The following SHISA9 variants were observed in gnomAD, a reference collection of about 807,000 sequenced individuals.
SHISA9 encodes the protein protein shisa-9.
SHISA9 carries 13 observed loss-of-function variants against 38.0 expected under a neutral mutation model. That is an observed-to-expected ratio of 0.34 (90% CI 0.22 to 0.54). The LOEUF is 0.54. Ranked by LOEUF, SHISA9 falls within the 20% of genes least tolerant of loss-of-function variation. SHISA9 has a pLI of 0.91. For synonymous variants in SHISA9, 275 were observed against 242.0 expected (o/e 1.14, Z -1.27); for missense variants, 538 against 575.8 (o/e 0.93, Z 0.67).
the SHISA9 span, among the ~76,000 whole-genome samples, chr16:13,369,854 G>T: frequency 2.0e-5 from 3 of 152,056 alleles, no homozygotes; most frequent in African/African-American, 7.2e-5. Context: ...CAACACCCAG[G>T]TTGCTTAAGT....
At chr16:13,433,547 A>G in the SHISA9 span, among the ~76,000 whole-genome samples, 1 of 148,194 alleles carries the variant, frequency 6.7e-6, no homozygotes, top group Non-Finnish European at 1.5e-5. Context: ...TAATGTGTTC[A>G]AGGATACAGA....
At chr16:13,245,199 G>T (rs2051462811), downstream of SHISA9, among the ~76,000 whole-genome samples, 2 of 152,194 alleles carry the variant, frequency 1.3e-5, no homozygotes, top group South Asian at 4.1e-4. Context: ...TTACAGGCAT[G>T]AGCCTCTGCA....
chr16:13,293,948 G>T, the SHISA9 span, among the ~76,000 whole-genome samples: 2 of 152,186 alleles, frequency 1.3e-5, no homozygotes, highest in African/African-American at 2.4e-5. Context: ...TTTTGTTCTT[G>T]GTTGTGCGAA....
chr16:13,524,935 C>T, the SHISA9 span, among the ~76,000 whole-genome samples: 1 of 152,112 alleles, frequency 6.6e-6, no homozygotes, highest in Non-Finnish European at 1.5e-5. Flanking sequence ...CCCTCTGCCC[C>T]AGTTGGGACA....
the SHISA9 span, among the ~76,000 whole-genome samples, chr16:13,371,899 CT>C: frequency 6.6e-6 from 1 of 152,244 alleles, no homozygotes; most frequent in African/African-American, 2.4e-5. Flanking sequence ...AGGATTCCAA[CT>C]TGACTTCTCA....
chr16:12,917,906 T>A (rs2071279341), intron 2 of SHISA9, among the ~76,000 whole-genome samples: 1 of 152,164 alleles, frequency 6.6e-6, no homozygotes, highest in Non-Finnish European at 1.5e-5. Context: ...ATTCTTATGC[T>A]CAGTGGGTAG....
the SHISA9 span, among the ~76,000 whole-genome samples, chr16:13,471,045 T>C: frequency 2.0e-5 from 3 of 152,010 alleles, no homozygotes; most frequent in African/African-American, 7.2e-5. Flanking sequence ...GGGTTCAGTC[T>C]TGCTGGAACC....
chr16:13,526,314 T>C, the SHISA9 span, among the ~76,000 whole-genome samples: 1 of 152,258 alleles, frequency 6.6e-6, no homozygotes, highest in African/African-American at 2.4e-5. Flanking sequence ...TCTGTCTGCC[T>C]GTGGTCATGC....
intron 2 of SHISA9, among the ~76,000 whole-genome samples, chr16:12,954,993 T>G (rs1383248548): frequency 6.6e-6 from 1 of 152,146 alleles, no homozygotes; most frequent in Non-Finnish European, 1.5e-5. Flanking sequence ...TCCCTCACAA[T>G]AGCCTGGTAC....
intron 2 of SHISA9, among the ~76,000 whole-genome samples, chr16:13,131,917 C>A (rs925138220): frequency 1.3e-5 from 2 of 152,180 alleles, no homozygotes. Context: ...TGATCCCGGA[C>A]TCATGGGTTT....
At chr16:13,408,135 A>T in the SHISA9 span, among the ~76,000 whole-genome samples, 3 of 152,132 alleles carry the variant, frequency 2.0e-5, no homozygotes, top group Non-Finnish European at 4.4e-5. Context: ...TGTCTACCTA[A>T]GACATCTCTA....
chr16:12,934,161 A>C (rs139501037), intron 2 of SHISA9, among the ~76,000 whole-genome samples: 3 of 152,344 alleles, frequency 2.0e-5, no homozygotes, highest in African/African-American at 7.2e-5. Context: ...GGATGAGATT[A>C]TATAAATAAA....
chr16:12,965,012 C>T (rs1184285313), intron 2 of SHISA9, among the ~76,000 whole-genome samples: 2 of 152,072 alleles, frequency 1.3e-5, no homozygotes, highest in Non-Finnish European at 2.9e-5. Flanking sequence ...TCTCCATGCA[C>T]ATACGAATAA....
chr16:13,208,592 G>A (rs930751745), intron 3 of SHISA9, among the ~76,000 whole-genome samples: 5 of 151,876 alleles, frequency 3.3e-5, no homozygotes, highest in African/African-American at 4.8e-5. Flanking sequence ...GTCATACATG[G>A]CATGTAACTG....
chr16:12,969,312 A>G (rs1303431310), intron 2 of SHISA9, among the ~76,000 whole-genome samples: 1 of 152,060 alleles, frequency 6.6e-6, no homozygotes, highest in African/African-American at 2.4e-5. Context: ...TAATGTAAAA[A>G]AAAGCACAAG....
the SHISA9 span, among the ~76,000 whole-genome samples, chr16:13,256,600 G>A: frequency 6.6e-6 from 1 of 152,284 alleles, no homozygotes; most frequent in Admixed American, 6.5e-5. Context: ...TGATAATCAG[G>A]TGCTGAGGTG....
At chr16:13,203,168 C>T in intron 2 of SHISA9, 2 of 388,556 alleles carry the variant, frequency 5.1e-6, no homozygotes, top group Non-Finnish European at 9.1e-6. Flanking sequence ...GTTTTGAGCA[C>T]ATCTTTTGAG....
At chr16:13,466,706 G>C in the SHISA9 span, among the ~76,000 whole-genome samples, 184 of 152,318 alleles carry the variant, frequency 1.2e-3, no homozygotes, top group Middle Eastern at 3.4e-3. Context: ...TATCACATAT[G>C]TTAAGCAAAT....
At chr16:13,398,957 T>G in the SHISA9 span, among the ~76,000 whole-genome samples, 1 of 152,122 alleles carries the variant, frequency 6.6e-6, no homozygotes, top group South Asian at 2.1e-4. Flanking sequence ...TTATACGCAT[T>G]AGAACCTAGA....
Sources: gnomAD v4.1 joint callset for allele counts (sites outside exome capture counted in the v4.1 genomes callset) on GRCh38, gnomAD v4.1.1 for gene constraint, MANE v1.5 for transcripts, NCBI Gene and HGNC (gene_info 2026-07-23, HGNC 2026-07-21) for gene names.